Variants in WDR27 observed in about 807,000 individuals in gnomAD.
The protein encoded by WDR27 is WD repeat domain 27.
WDR27 carries 100 observed loss-of-function variants against 114.4 expected under a neutral mutation model. That is an observed-to-expected ratio of 0.87 (90% CI 0.74 to 1.03). WDR27 has a LOEUF of 1.03. Among genes scored for constraint, WDR27 ranks in the 50% least tolerant of loss-of-function variants. The pLI is 0.00. For synonymous variants in WDR27, 449 were observed against 423.1 expected, an observed-to-expected ratio of 1.06 and a Z score of -0.75; for missense variants, 1,129 against 1,092.9, an observed-to-expected ratio of 1.03 and a Z score of -0.47.
At chr6:169,530,157 A>G (rs1352780448) in intron 25 of WDR27, among the ~76,000 whole-genome samples, 2 of 152,194 alleles carry the variant, frequency 1.3e-5, no homozygotes, top group African/African-American at 4.8e-5. Flanking sequence ...AATATCTTCC[A>G]CTGGCCAGAT....
chr6:169,597,522 T>C (rs922762641), intron 23 of WDR27, among the ~76,000 whole-genome samples: 5 of 152,206 alleles, frequency 3.3e-5, no homozygotes, highest in African/African-American at 1.2e-4. Context: ...CAAGGCTGGA[T>C]TGCAGCTTGG....
At chr6:169,619,527 C>T (rs568477557) in intron 21 of WDR27, among the ~76,000 whole-genome samples, 5 of 152,090 alleles carry the variant, frequency 3.3e-5, no homozygotes, top group African/African-American at 7.2e-5. Context: ...ATTTTAGGGA[C>T]GCATGAGACA....
chr6:169,448,003 C>T, the WDR27 span, among the ~76,000 whole-genome samples: 1 of 152,180 alleles, frequency 6.6e-6, no homozygotes, highest in East Asian at 1.9e-4. Context: ...ACTAAATCTA[C>T]TCTTGAATAT....
intron 6 of WDR27, among the ~76,000 whole-genome samples, chr6:169,666,070 C>G (rs1827756464): frequency 6.6e-6 from 1 of 152,188 alleles, no homozygotes; most frequent in Admixed American, 6.5e-5. Flanking sequence ...TTAAAACTTA[C>G]TCTAAACTGT....
intron 25 of WDR27, among the ~76,000 whole-genome samples, chr6:169,570,169 G>A (rs1171039898): frequency 6.6e-6 from 1 of 152,174 alleles, no homozygotes; most frequent in African/African-American, 2.4e-5. Flanking sequence ...CAACACTCAT[G>A]GCCACAAGGA....
chr6:169,658,103 CCACAGCGGACATGGAA>C, intron 13 of WDR27, 157 bp downstream of exon 13: 2 of 578,484 alleles, frequency 3.5e-6, no homozygotes, highest in Non-Finnish European at 6.3e-6. Flanking sequence ...AAGTTCCCCA[CCACAGCGGACATGGAA>C]CACGCACGAG....
intron 25 of WDR27, among the ~76,000 whole-genome samples, chr6:169,527,851 T>C (rs1264843838): frequency 1.3e-5 from 2 of 152,120 alleles, no homozygotes; most frequent in Non-Finnish European, 2.9e-5. Context: ...TAAAAGGACA[T>C]TGAGAAATAT....
the WDR27 span, among the ~76,000 whole-genome samples, chr6:169,439,951 A>G: frequency 6.8e-6 from 1 of 147,502 alleles, no homozygotes; most frequent in Non-Finnish European, 1.5e-5. Context: ...ATTATTTAAT[A>G]TATCACATTT....
At chr6:169,543,509 T>G (rs943089094) in intron 25 of WDR27, among the ~76,000 whole-genome samples, 3 of 152,184 alleles carry the variant, frequency 2.0e-5, no homozygotes, top group African/African-American at 7.2e-5. Flanking sequence ...ATGTATTTAT[T>G]TAAATTCATA....
At chr6:169,627,568 C>T (rs1321837234) in intron 21 of WDR27, among the ~76,000 whole-genome samples, 1 of 152,218 alleles carries the variant, frequency 6.6e-6, no homozygotes, top group Non-Finnish European at 1.5e-5. Context: ...ACCATGCCTG[C>T]TGTCCTGAGG....
At chr6:169,670,963 C>A (rs1357865695) in intron 3 of WDR27, 1 of 386,264 alleles carries the variant, frequency 2.6e-6, no homozygotes, top group Non-Finnish European at 4.7e-6. Context: ...AGTACCTGTG[C>A]AGTGAGAATC....
At chr6:169,476,686 A>G (rs1787225515) in intron 25 of WDR27, among the ~76,000 whole-genome samples, 1 of 152,046 alleles carries the variant, frequency 6.6e-6, no homozygotes, top group Non-Finnish European at 1.5e-5. Context: ...TTTTTTAGTT[A>G]AGTTCCTAGA....
chr6:169,454,439 A>G (rs1454762308), downstream of WDR27, among the ~76,000 whole-genome samples: 3 of 152,150 alleles, frequency 2.0e-5, no homozygotes, highest in African/African-American at 7.2e-5. Flanking sequence ...TAAGTAGCCA[A>G]TCATTTGCCA....
intron 21 of WDR27, among the ~76,000 whole-genome samples, chr6:169,624,426 C>T (rs946418811): frequency 6.6e-6 from 1 of 152,134 alleles, no homozygotes; most frequent in Admixed American, 6.5e-5. Context: ...CCTCATGCGT[C>T]TCTCTCAAGC....
chr6:169,484,965 T>C (rs1181904441), intron 25 of WDR27, among the ~76,000 whole-genome samples: 2 of 152,168 alleles, frequency 1.3e-5, no homozygotes, highest in Non-Finnish European at 2.9e-5. Context: ...AGTGGCTAGC[T>C]ATATGCAGAA....
intron 21 of WDR27, among the ~76,000 whole-genome samples, chr6:169,631,091 G>C (rs1199344699): frequency 6.6e-6 from 1 of 152,042 alleles, no homozygotes; most frequent in Non-Finnish European, 1.5e-5. Flanking sequence ...AGCTTTCCCA[G>C]AAAACACAGA....
the WDR27 span, among the ~76,000 whole-genome samples, chr6:169,441,942 C>T: frequency 0.03 from 4,381 of 146,456 alleles, 104 homozygotes; most frequent in South Asian, 0.043. Context: ...AAAAAGAGGA[C>T]GGCTTTGGGA....
intron 22 of WDR27, 135 bp downstream of exon 22, chr6:169,613,424 G>A (rs1811072444): frequency 1.5e-6 from 1 of 651,254 alleles, no homozygotes; most frequent in East Asian, 2.8e-5. Context: ...TAACTTTTCT[G>A]TGCATAAATC....
At chr6:169,578,776 C>A (rs893690076) in intron 24 of WDR27, among the ~76,000 whole-genome samples, 3 of 152,166 alleles carry the variant, frequency 2.0e-5, no homozygotes, top group East Asian at 1.9e-4. Flanking sequence ...TTATTTTATA[C>A]GGCATCATTT....
Sources: gnomAD v4.1 joint callset for allele counts (sites outside exome capture counted in the v4.1 genomes callset) on GRCh38, gnomAD v4.1.1 for gene constraint, MANE v1.5 for transcripts, NCBI Gene and HGNC (gene_info 2026-07-23, HGNC 2026-07-21) for gene names.